ARHGAP42: variants seen among roughly 807,000 people sequenced by gnomAD.
ARHGAP42 encodes rho GTPase-activating protein 42.
ARHGAP42 carries 63 observed loss-of-function variants against 125.0 expected under a neutral mutation model. The ratio of observed to expected loss-of-function variants is 0.50; its 90% CI spans 0.41 to 0.62. The LOEUF (loss-of-function observed/expected upper bound fraction) is 0.62. ARHGAP42 is among the 20% of genes least tolerant of loss of function. The pLI is 0.00. For missense variants in ARHGAP42, 766 were observed against 1,024.2 expected, an observed-to-expected ratio of 0.75 and a Z score of 3.44; for synonymous variants, 339 against 351.0, an observed-to-expected ratio of 0.97 and a Z score of 0.38.
At chr11:100,900,800 G>A (rs542984071) in intron 4 of ARHGAP42, among the ~76,000 whole-genome samples, 2 of 152,076 alleles carry the variant, frequency 1.3e-5, no homozygotes, top group South Asian at 2.1e-4. Flanking sequence ...ATTCTAGTTA[G>A]CCATTTGTCT....
chr11:100,762,140 G>C (rs1862716508), intron 1 of ARHGAP42, among the ~76,000 whole-genome samples: 3 of 152,192 alleles, frequency 2.0e-5, no homozygotes, highest in Non-Finnish European at 4.4e-5. Flanking sequence ...TAATATGCCT[G>C]CCAGAAGGGT....
intron 2 of ARHGAP42, among the ~76,000 whole-genome samples, chr11:100,774,279 A>G (rs899856222): frequency 1.3e-5 from 2 of 152,152 alleles, no homozygotes; most frequent in South Asian, 4.1e-4. Context: ...GAGTGGGTGG[A>G]GCATAAGGAT....
intron 1 of ARHGAP42, among the ~76,000 whole-genome samples, chr11:100,723,682 TCAACATGTA>T (rs1382378809): frequency 6.6e-6 from 1 of 152,204 alleles, no homozygotes; most frequent in Admixed American, 6.5e-5. Flanking sequence ...TTTAGGATCT[TCAACATGTA>T]CAGTCTTGTC....
intron 4 of ARHGAP42, among the ~76,000 whole-genome samples, chr11:100,862,016 A>G (rs544126629): frequency 6.6e-6 from 1 of 152,316 alleles, no homozygotes; most frequent in East Asian, 1.9e-4. Context: ...AGGAAGGAAC[A>G]AAAGAAAGAA....
chr11:100,689,463 A>G (rs1861150325), intron 1 of ARHGAP42, among the ~76,000 whole-genome samples: 1 of 152,222 alleles, frequency 6.6e-6, no homozygotes, highest in South Asian at 2.1e-4. Flanking sequence ...TTAGTGTTTC[A>G]GAAGGTCAAA....
chr11:100,698,364 G>A (rs543973387), intron 1 of ARHGAP42, among the ~76,000 whole-genome samples: 17 of 152,254 alleles, frequency 1.1e-4, no homozygotes, highest in East Asian at 9.6e-4. Flanking sequence ...CCAGCTACTC[G>A]GAAGGCTGAG....
At chr11:100,851,698 G>T (rs538224630) in intron 3 of ARHGAP42, among the ~76,000 whole-genome samples, 1 of 151,950 alleles carries the variant, frequency 6.6e-6, no homozygotes, top group East Asian at 1.9e-4. Flanking sequence ...TGTATACAAT[G>T]TTTGCACGAT....
At chr11:100,827,617 A>G (rs1240104727) in intron 3 of ARHGAP42, among the ~76,000 whole-genome samples, 1 of 152,204 alleles carries the variant, frequency 6.6e-6, no homozygotes, top group East Asian at 1.9e-4. Context: ...GGGGAATACC[A>G]TGGGGTATAG....
chr11:100,793,704 A>G (rs1246069839), intron 2 of ARHGAP42, among the ~76,000 whole-genome samples: 1 of 152,188 alleles, frequency 6.6e-6, no homozygotes, highest in Admixed American at 6.5e-5. Context: ...TTATGCCAGA[A>G]TTACTAAACT....
At position 100,687,367 on chromosome 11, in the gene ARHGAP42, T is replaced by C. The variant is rs1019570702; in HGVS notation, c.-312T>C. Among the ~76,000 whole-genome samples the C allele has an allele frequency of 6.6e-6, 1 of 151,930 alleles. No individual in the cohort carries two copies. Among genetic ancestry groups the C allele is most frequent in the African/African-American group, 2.4e-5 (1 of 41,358 alleles). The stretch of plus-strand genomic sequence containing the variant: ...CGCGCCGTGAGAGAAACTTTCCTGC[T>C]CCGGCCGCGGCCCGGAGCCTCGCCG... On this transcript the variant is annotated 5_prime_UTR_variant, in exon 1 of 24. Transcript: ENST00000298815.
At chr11:100,785,072 A>G (rs1863401674) in intron 2 of ARHGAP42, among the ~76,000 whole-genome samples, 1 of 152,150 alleles carries the variant, frequency 6.6e-6, no homozygotes, top group Non-Finnish European at 1.5e-5. Context: ...TAGTTTGCAG[A>G]CCAAGAGGAA....
At chr11:100,953,630 T>G (rs1312834103) in intron 12 of ARHGAP42, among the ~76,000 whole-genome samples, 1 of 152,192 alleles carries the variant, frequency 6.6e-6, no homozygotes, top group Non-Finnish European at 1.5e-5. Flanking sequence ...AAAGTCTTCC[T>G]ACCTTGTATT....
At chr11:100,981,093 T>G (rs1449278217) in intron 22 of ARHGAP42, among the ~76,000 whole-genome samples, 1 of 152,172 alleles carries the variant, frequency 6.6e-6, no homozygotes, top group Non-Finnish European at 1.5e-5. Context: ...GTCACCACTT[T>G]CTAGTTCGTG....
At chr11:100,887,862 A>G (rs1866128749) in intron 4 of ARHGAP42, among the ~76,000 whole-genome samples, 1 of 152,178 alleles carries the variant, frequency 6.6e-6, no homozygotes, top group South Asian at 2.1e-4. Flanking sequence ...ATTTAAGCTC[A>G]CTAGGAGGCA....
chr11:100,779,651 A>C (rs1394445363), intron 2 of ARHGAP42, among the ~76,000 whole-genome samples: 1 of 141,664 alleles, frequency 7.1e-6, no homozygotes, highest in Non-Finnish European at 1.5e-5. Flanking sequence ...TGCTAATCTA[A>C]ATTTTCAGAG....
At chr11:100,923,753 TATTTGTTCTTCTTCCA>T (rs1194423376) in intron 6 of ARHGAP42, among the ~76,000 whole-genome samples, 1 of 152,152 alleles carries the variant, frequency 6.6e-6, no homozygotes. Flanking sequence ...ATTGATGTTA[TATTTGTTCTTCTTCCA>T]AAATATTTTC....
At position 100,992,221 on chromosome 11, in the gene ARHGAP42, A is replaced by G. The variant is rs1858848489; in HGVS notation, c.*3420A>G. 13 of 1,425,584 alleles carry G rather than the reference A, an allele frequency of 9.1e-6. No individual in the cohort carries two copies. Among genetic ancestry groups the G allele is most frequent in the African/African-American group, 1.4e-5 (1 of 69,782 alleles). The allele number at this position is 1,425,584 out of a possible 1,614,324, so 88.3% of individuals were successfully genotyped here. A position where few individuals can be genotyped will look rare whatever the true frequency, so the allele number is the denominator to read the frequency against. ...CATTTAGAACCCCAACTAGACTTATACTTTGACTAAAGTCAGAGGCAGACC... is the reference window on the plus strand; with the variant it reads ...CATTTAGAACCCCAACTAGACTTATGCTTTGACTAAAGTCAGAGGCAGACC... On this transcript the variant is annotated 3_prime_UTR_variant, in exon 24 of 24. Coordinates refer to ENST00000298815, the MANE Select transcript of ARHGAP42 (RefSeq NM_152432.4).
In ARHGAP42 at chr11:100,961,714, A is replaced by T; in HGVS notation, c.1331A>T (p.Asp444Val). 6.4e-7 allele frequency: 1 copy of T among 1,551,724 alleles called. No individual in the cohort carries two copies. Among genetic ancestry groups the T allele is most frequent in the Non-Finnish European group, 8.7e-7 (1 of 1,146,842 alleles). The change falls in exon 15 of 24, where the codon GAT (aspartate) becomes GTT (valine). Residue 444 changes from aspartate (D) to valine (V), a missense_variant. Physicochemically the swap from Asp to Val is radical, Grantham distance 152. Transcript: ENST00000298815. ...AAATCCCCTCCTGATATTGATATTG[A>T]TATTGAACTGTGGGACAATAAGACG... ...SPKSPPDIDI[D>V]IELWDNKTIT...
intron 1 of ARHGAP42, among the ~76,000 whole-genome samples, chr11:100,769,718 T>G (rs1262780319): frequency 3.3e-5 from 1 of 30,570 alleles, no homozygotes; most frequent in African/African-American, 6.8e-5. Context: ...CCTTCTTTTT[T>G]TTTTTTTTTT....
Sources: gnomAD v4.1 joint callset for allele counts (sites outside exome capture counted in the v4.1 genomes callset) on GRCh38, gnomAD v4.1.1 for gene constraint, MANE v1.5 for transcripts, NCBI Gene and HGNC (gene_info 2026-07-23, HGNC 2026-07-21) for gene names.